TAS1R2: variants seen among roughly 807,000 people sequenced by gnomAD.
TAS1R2 encodes taste receptor type 1 member 2.
TAS1R2 carries 47 observed loss-of-function variants against 49.3 expected under a neutral mutation model. The ratio of observed to expected loss-of-function variants is 0.95; its 90% confidence interval spans 0.75 to 1.22. The LOEUF (loss-of-function observed/expected upper bound fraction) is 1.22, where lower values mean the gene tolerates loss of function less well. Ranked by LOEUF, TAS1R2 falls within the 50% of genes most tolerant of loss-of-function variation. The pLI, the probability that TAS1R2 is intolerant of heterozygous loss-of-function variation, is 0.00. For synonymous variants in TAS1R2, 479 were observed against 467.9 expected (o/e 1.02, Z -0.31); for missense variants, 1,155 against 1,122.1 (o/e 1.03, Z -0.42).
At chr1:18,857,240 T>G in intron 2 of TAS1R2, 91 bp downstream of exon 2, 7 of 1,378,154 alleles carry the variant, frequency 5.1e-6, no homozygotes, top group South Asian at 1.4e-5. Context: ...TCACCTCCCA[T>G]GATTGATGGA....
At chr1:18,840,233 G>C in exon 6 of TAS1R2, 1 of 1,614,130 alleles carries the variant, frequency 6.2e-7, no homozygotes, top group African/African-American at 1.3e-5. Flanking sequence ...GCAGAGGCAG[G>C]TGGAGACCTT....
At chr1:18,853,077 TGGGAAAAC>T (rs770790283) in intron 3 of TAS1R2, among the ~76,000 whole-genome samples, 38 of 152,254 alleles carry the variant, frequency 2.5e-4, no homozygotes, top group Middle Eastern at 3.4e-3. Context: ...GAAGGTGAAG[TGGGAAAAC>T]CACAGCAGAA....
chr1:18,840,581 A>G, intron 5 of TAS1R2, 54 bp from the exon 6 acceptor site: 1 of 1,595,050 alleles, frequency 6.3e-7, no homozygotes, highest in Non-Finnish European at 8.6e-7. Flanking sequence ...AAGCACCTGC[A>G]TCCTCCCAGC....
At chr1:18,859,575 A>G (rs769095890) in exon 1 of TAS1R2, 3 of 1,614,244 alleles carry the variant, frequency 1.9e-6, no homozygotes, top group South Asian at 2.2e-5. Context: ...ATCCCCAGGC[A>G]GGTAGAAGTC....
chr1:18,851,024 T>C (rs1326097547), intron 3 of TAS1R2, among the ~76,000 whole-genome samples: 1 of 152,140 alleles, frequency 6.6e-6, no homozygotes, highest in African/African-American at 2.4e-5. Context: ...ATTTAACAGA[T>C]GAGAAAATCA....
At position 18,854,150 on chromosome 1, in the gene TAS1R2, C is replaced by G; in HGVS notation, c.1257+63G>C. The G allele has an allele frequency of 6.6e-7, 1 of 1,518,600 alleles. No individual in the cohort carries two copies. The allele number at this position is 1,518,600 out of a possible 1,614,324, so 94.1% of individuals were successfully genotyped here. On this transcript the variant is annotated intron_variant, in intron 3 of 5. Transcript: ENST00000375371. The surrounding 1 kb of genome is among the most constrained non-coding windows in gnomAD (Gnocchi z 4.9). ...ACTCATGCCCTTTCACACCCATTTG[C>G]CCAGAACCCCAGGGGAGGAGGATGG...
At chr1:18,844,045 G>A (rs1257430552) in intron 4 of TAS1R2, among the ~76,000 whole-genome samples, 8 of 152,220 alleles carry the variant, frequency 5.3e-5, no homozygotes, top group African/African-American at 1.9e-4. Flanking sequence ...ATTCAGGAAT[G>A]ATTCACAAGT....
At chr1:18,842,955 C>T (rs921752161) in intron 4 of TAS1R2, among the ~76,000 whole-genome samples, 2 of 152,010 alleles carry the variant, frequency 1.3e-5, no homozygotes, top group African/African-American at 4.8e-5. Context: ...TGTCTTTTAT[C>T]ACAAAAATAA....
rs533241412 is a variant in TAS1R2, at chr1:18,854,078, T to C, written c.1257+135A>G. On this transcript the variant is annotated intron_variant, in intron 3 of 5. Transcript: ENST00000375371. The surrounding 1 kb of genome is among the most constrained non-coding windows in gnomAD (Gnocchi z 4.9). ...TCAATTAATTTAAAAAGCAATTTTG[T>C]TTTGGCACCAGGAAGGACTAGTGCT... 1.2e-6 allele frequency: 1 copy of C among 833,450 alleles called. No individual in the cohort carries two copies. Among genetic ancestry groups the C allele is most frequent in the East Asian group, 2.7e-5 (1 of 37,270 alleles). The allele number at this position is 833,450 out of a possible 1,614,324, so 51.6% of individuals were successfully genotyped here.
rs140357786 is a variant in TAS1R2, at chr1:18,849,488, C to T, written c.1320G>A (p.Pro440=). ...CCAAGTGCAGAGCCACGTCCCCTTG[C>T]GGGTCGAAGAAGATTTGGTGGTCCA... The change falls in exon 4 of 6, where the codon CCG becomes CCA. Residue 440 remains proline, a synonymous_variant. Coordinates refer to ENST00000375371, the Ensembl canonical transcript of TAS1R2. The T allele has an allele frequency of 6.3e-4, 1,016 of 1,614,080 alleles. 1 individual carries two copies. The highest frequency in any genetic ancestry group is 7.8e-4 in the Non-Finnish European group (919 of 1,180,046).
At chr1:18,847,542 G>A (rs1380703820) in intron 4 of TAS1R2, among the ~76,000 whole-genome samples, 1 of 124,850 alleles carries the variant, frequency 8.0e-6, no homozygotes, top group Non-Finnish European at 1.8e-5. Flanking sequence ...GAGGGTGCAG[G>A]CTATTAGCAA....
intron 3 of TAS1R2, 75 bp from the exon 4 acceptor site, chr1:18,849,625 G>T (rs915952686): frequency 4.7e-6 from 7 of 1,504,644 alleles, no homozygotes; most frequent in Non-Finnish European, 3.7e-6. Flanking sequence ...ACCTGGGAAA[G>T]ATTCTACCAT....
rs1057337109 is a variant in TAS1R2, at chr1:18,854,444, G to A, written c.1026C>T (p.Gly342=). 1.1e-5 allele frequency: 18 copies of A among 1,614,054 alleles called. No homozygotes were observed. The highest frequency in any genetic ancestry group is 1.5e-5 in the Non-Finnish European group (18 of 1,180,028). ...TGAGGGGTGGCGGCCCAGCCTGTGG[G>A]CCCCACTCGCGGAACTCACTGAAGC... is the stretch of plus-strand genomic sequence containing the variant. Residue 342 remains glycine, a synonymous_variant, in exon 3 of 6, where the codon GGC becomes GGT. Transcript: ENST00000375371. The surrounding 1 kb of genome is among the most constrained non-coding windows in gnomAD (Gnocchi z 4.9).
At chr1:18,841,950 T>A in intron 4 of TAS1R2, 98 bp from the exon 5 acceptor site, 8 of 1,271,052 alleles carry the variant, frequency 6.3e-6, no homozygotes, top group Admixed American at 5.6e-5. Context: ...GGAGGAAGCC[T>A]AGAAGCCCCC....
exon 6 of TAS1R2, chr1:18,839,938 G>C (rs746688841): frequency 7.4e-6 from 12 of 1,614,226 alleles, no homozygotes; most frequent in Non-Finnish European, 1.0e-5. Flanking sequence ...TGAACAGCAG[G>C]CTGTTGCGGT....
chr1:18,844,344 G>A (rs1933878656), intron 4 of TAS1R2, among the ~76,000 whole-genome samples: 1 of 152,186 alleles, frequency 6.6e-6, no homozygotes. Flanking sequence ...AGTTGCTTGG[G>A]GAAAGGTATA....
At chr1:18,840,087 G>A in exon 6 of TAS1R2, 1 of 1,614,254 alleles carries the variant, frequency 6.2e-7, no homozygotes, top group Non-Finnish European at 8.5e-7. Flanking sequence ...GAGACGTAGG[G>A]CCCCTGGTAG....
In TAS1R2 at chr1:18,854,493, G is replaced by T. The variant is rs372694127; in HGVS notation, c.977C>A (p.Thr326Asn). 5 of 1,613,952 alleles carry T rather than the reference G, an allele frequency of 3.1e-6. No homozygotes were observed. The highest frequency in any genetic ancestry group is 4.2e-6 in the Non-Finnish European group (5 of 1,180,014). ...GCCCGGGATGGGCACGCTCTGGATGGTGATGCCCAGGAAGGTGCCCAAGTG... is the reference window on the plus strand; with the variant it reads ...GCCCGGGATGGGCACGCTCTGGATGTTGATGCCCAGGAAGGTGCCCAAGTG... Residue 326 changes from threonine to asparagine, a missense_variant, in exon 3 of 6, where the codon ACC becomes AAC. By Grantham distance (65) the Thr-to-Asn change is moderately conservative. Coordinates refer to ENST00000375371, the Ensembl canonical transcript of TAS1R2. The surrounding 1 kb of genome is among the most constrained non-coding windows in gnomAD (Gnocchi z 4.9).
chr1:18,841,909 C>T (rs1933837484), intron 4 of TAS1R2, 57 bp from the exon 5 acceptor site: 11 of 1,508,228 alleles, frequency 7.3e-6, no homozygotes, highest in Non-Finnish European at 3.6e-6. Flanking sequence ...CTGGGGGCCC[C>T]CTCCCCTCTC....
Sources: allele counts gnomAD v4.1 joint callset (sites outside exome capture counted in the v4.1 genomes callset), GRCh38; gene constraint gnomAD v4.1.1; non-coding constraint Gnocchi (gnomAD v3.1); transcripts MANE v1.5; gene names NCBI Gene and HGNC (gene_info 2026-07-23, HGNC 2026-07-21).